COLQ: variants seen among roughly 807,000 people sequenced by gnomAD.
COLQ encodes the protein acetylcholinesterase collagenic tail peptide.
In COLQ, 48 loss-of-function variants were observed where a neutral mutation model predicts 69.0. The observed-to-expected ratio is 0.70, with a 90% CI of 0.55 to 0.88. The LOEUF (loss-of-function observed/expected upper bound fraction) is 0.88, where lower values mean the gene tolerates loss of function less well. Ranked by LOEUF, COLQ falls within the 40% of genes least tolerant of loss-of-function variation. COLQ has a pLI of 0.00. For synonymous variants in COLQ, 217 were observed against 211.2 expected, an observed-to-expected ratio of 1.03 and a Z score of -0.24; for missense variants, 618 against 594.6, an observed-to-expected ratio of 1.04 and a Z score of -0.41.
intron 1 of COLQ, among the ~76,000 whole-genome samples, chr3:15,493,895 C>G (rs1433201802): frequency 6.6e-6 from 1 of 152,206 alleles, no homozygotes; most frequent in Non-Finnish European, 1.5e-5. Flanking sequence ...ACCAGCCTGA[C>G]CAAATGGCGA....
rs201227079 is a variant in COLQ at position 15,456,456 on chromosome 3, G to A, written c.1074+4C>T. The A allele has an allele frequency of 6.6e-5, 106 of 1,614,006 alleles. No individual in the cohort carries two copies. In the African/African-American group the frequency reaches 1.3e-3, roughly 19 times the overall value. ...TATGTCCTGAGGTAATGGCCTGGGGGTACCTGGATGGGGAGCCAGCCAAGG... is the reference window on the plus strand; with the variant it reads ...TATGTCCTGAGGTAATGGCCTGGGGATACCTGGATGGGGAGCCAGCCAAGG... On this transcript the variant is annotated splice_donor_region_variant and intron_variant, in intron 14 of 16. Coordinates refer to ENST00000383788, the MANE Select transcript of COLQ (RefSeq NM_005677.4).
intron 13 of COLQ, among the ~76,000 whole-genome samples, chr3:15,457,256 T>G (rs549730264): frequency 6.6e-6 from 1 of 152,164 alleles, no homozygotes; most frequent in Non-Finnish European, 1.5e-5. Flanking sequence ...CTTTACAGCA[T>G]TATTTACATT....
At chr3:15,458,477 A>G in intron 12 of COLQ, 152 bp from the exon 13 acceptor site, 1 of 854,704 alleles carries the variant, frequency 1.2e-6, no homozygotes, top group South Asian at 1.4e-5. Context: ...GATGCTTTTG[A>G]TCCAAGACAT....
At position 15,456,003 on chromosome 3, in the gene COLQ, G is replaced by C; in HGVS notation, c.1091C>G (p.Pro364Arg). ...GTGCTGGTCTGCAGTGTAATCCACA[G>C]GGTAGAAAGGGGTCAGCTGGCCAAA... ...WLPIQLTPFY[P>R]VDYTADQHGT... Residue 364 changes from proline (P) to arginine (R), a missense_variant, in exon 15 of 17, where the codon CCT becomes CGT. Physicochemically the swap from Pro to Arg is moderately radical, Grantham distance 103 (BLOSUM62 -2). Coordinates refer to ENST00000383788, the MANE Select transcript of COLQ (RefSeq NM_005677.4). 18 of 1,614,116 alleles carry C rather than the reference G, an allele frequency of 1.1e-5. No homozygotes were observed. The highest frequency in any genetic ancestry group is 1.5e-5 in the Non-Finnish European group (18 of 1,180,004).
intron 16 of COLQ, 86 bp downstream of exon 16, chr3:15,453,743 T>C (rs2061982489): frequency 2.2e-6 from 2 of 910,630 alleles, no homozygotes; most frequent in Admixed American, 2.0e-5. Context: ...GGAGAGGCAC[T>C]CAAAATATTT....
chr3:15,521,401 C>T, intron 1 of COLQ, 119 bp downstream of exon 1: 1 of 1,386,354 alleles, frequency 7.2e-7, no homozygotes, highest in Non-Finnish European at 9.9e-7. Context: ...GTCTTCCTTC[C>T]AACCTCCCTC....
At position 15,451,718 on chromosome 3, in the gene COLQ, G is replaced by A. The variant is rs1036242028; in HGVS notation, c.1299-5C>T. ...CATTGCAGGTCTCCATATGACCTGA[G>A]GGAGGCAAAGACACGTTCTAAAAGG... is the stretch of plus-strand genomic sequence containing the variant. On this transcript the variant is annotated splice_region_variant and splice_polypyrimidine_tract_variant and intron_variant, in intron 16 of 16. Coordinates refer to ENST00000383788, the MANE Select transcript of COLQ (RefSeq NM_005677.4). 1.9e-6 allele frequency: 3 copies of A among 1,613,162 alleles called. No homozygotes were observed. Among genetic ancestry groups the A allele is most frequent in the African/African-American group, 1.3e-5 (1 of 74,920 alleles).
intron 3 of COLQ, among the ~76,000 whole-genome samples, chr3:15,484,531 T>A (rs1422365459): frequency 6.6e-6 from 1 of 152,232 alleles, no homozygotes; most frequent in African/African-American, 2.4e-5. Flanking sequence ...GATTCCATTC[T>A]CCCCGTCACT....
At chr3:15,499,232 T>C (rs1053613317) in intron 1 of COLQ, among the ~76,000 whole-genome samples, 1 of 152,238 alleles carries the variant, frequency 6.6e-6, no homozygotes, top group East Asian at 1.9e-4. Flanking sequence ...AAGCGGCATA[T>C]ACCAGTTACA....
chr3:15,472,917 T>C (rs369255724), intron 10 of COLQ, among the ~76,000 whole-genome samples: 1 of 152,118 alleles, frequency 6.6e-6, no homozygotes, highest in East Asian at 1.9e-4. Flanking sequence ...TGGAGAGCAG[T>C]GGCATAATCT....
At chr3:15,498,965 G>A (rs778035902) in intron 1 of COLQ, 11 of 1,173,328 alleles carry the variant, frequency 9.4e-6, no homozygotes, top group Non-Finnish European at 1.2e-5. Context: ...CTCAAAAACC[G>A]ACTTGACTCA....
At chr3:15,516,371 G>A (rs1378928864) in intron 1 of COLQ, among the ~76,000 whole-genome samples, 1 of 152,160 alleles carries the variant, frequency 6.6e-6, no homozygotes, top group Non-Finnish European at 1.5e-5. Context: ...CAAAATGCCT[G>A]CCCTGGGTTA....
At chr3:15,508,847 T>C (rs2125175029) in intron 1 of COLQ, among the ~76,000 whole-genome samples, 1 of 151,856 alleles carries the variant, frequency 6.6e-6, no homozygotes, top group African/African-American at 2.4e-5. Context: ...TTTAATTATA[T>C]GAAAATTAAA....
intron 1 of COLQ, among the ~76,000 whole-genome samples, chr3:15,501,456 G>T (rs2062829798): frequency 6.6e-6 from 1 of 152,200 alleles, no homozygotes; most frequent in African/African-American, 2.4e-5. Flanking sequence ...CAGAGGCAAA[G>T]ACATCTACCT....
chr3:15,515,342 G>C (rs144243194), intron 1 of COLQ, among the ~76,000 whole-genome samples: 3 of 152,262 alleles, frequency 2.0e-5, no homozygotes, highest in African/African-American at 7.2e-5. Flanking sequence ...CCATCACACA[G>C]TTCATAACCA....
At chr3:15,488,423 C>A in intron 2 of COLQ, 116 bp from the exon 3 acceptor site, 1 of 815,340 alleles carries the variant, frequency 1.2e-6, no homozygotes, top group East Asian at 2.7e-5. Context: ...AGTTCCCTGA[C>A]ACCCCAATGA....
chr3:15,481,397 G>A (rs939495181), intron 3 of COLQ, among the ~76,000 whole-genome samples: 3 of 152,210 alleles, frequency 2.0e-5, no homozygotes, highest in African/African-American at 7.2e-5. Flanking sequence ...TGTATAAGGT[G>A]TAAGGAAGGG....
At chr3:15,477,409 A>T in intron 5 of COLQ, 5 of 565,772 alleles carry the variant, frequency 8.8e-6, no homozygotes, top group East Asian at 6.0e-5. Flanking sequence ...CAAGAAATGG[A>T]GGGTGGTGAG....
chr3:15,494,046 G>C (rs2062710018), intron 1 of COLQ, among the ~76,000 whole-genome samples: 1 of 152,242 alleles, frequency 6.6e-6, no homozygotes, highest in Non-Finnish European at 1.5e-5. Context: ...TTGTGCCATT[G>C]CACTGAAGAG....
Sources: gnomAD v4.1 joint callset for allele counts (sites outside exome capture counted in the v4.1 genomes callset) on GRCh38, gnomAD v4.1.1 for gene constraint, MANE v1.5 for transcripts, NCBI Gene and HGNC (gene_info 2026-07-23, HGNC 2026-07-21) for gene names.